Variants in TRIM2 observed in about 807,000 individuals in gnomAD.
TRIM2 encodes tripartite motif containing 2.
TRIM2 carries 20 observed loss-of-function variants against 75.2 expected under a neutral mutation model. That is an observed-to-expected ratio of 0.27 (90% CI 0.19 to 0.39). TRIM2 has a LOEUF of 0.39. Ranked by LOEUF, TRIM2 falls within the 10% of genes least tolerant of loss-of-function variation. The pLI is 1.00. For missense variants in TRIM2, 660 were observed against 990.8 expected (o/e 0.67, Z 4.48); for synonymous variants, 373 against 388.3 (o/e 0.96, Z 0.46).
chr4:153,178,575 G>C (rs1390065293), intron 1 of TRIM2, among the ~76,000 whole-genome samples: 1 of 152,146 alleles, frequency 6.6e-6, no homozygotes, highest in Non-Finnish European at 1.5e-5. Flanking sequence ...CACTATGCTA[G>C]ATAATAAACA....
At chr4:153,200,797 CT>C (rs202158649), upstream of TRIM2, among the ~76,000 whole-genome samples, 19,550 of 126,414 alleles carry the variant, frequency 0.15, 1,697 homozygotes, top group African/African-American at 0.26. Context: ...GGTTTTTTTT[CT>C]TTTTTTTTTT....
chr4:153,276,557 T>C (rs1206829002), intron 3 of TRIM2, among the ~76,000 whole-genome samples: 3 of 152,250 alleles, frequency 2.0e-5, no homozygotes, highest in African/African-American at 7.2e-5. Flanking sequence ...TATTAATAGA[T>C]AGAATTTGAA....
At chr4:153,250,076 C>T (rs1379014226) in intron 1 of TRIM2, among the ~76,000 whole-genome samples, 1 of 150,176 alleles carries the variant, frequency 6.7e-6, no homozygotes, top group Non-Finnish European at 1.5e-5. Context: ...ATTTAATAAT[C>T]AGTGCATGGC....
chr4:153,247,048 G>A (rs1021339984), intron 1 of TRIM2, among the ~76,000 whole-genome samples: 4 of 152,142 alleles, frequency 2.6e-5, no homozygotes, highest in African/African-American at 4.8e-5. Flanking sequence ...CAAAACTGAC[G>A]CTGGAAGGGG....
chr4:153,162,656 T>G (rs1194814843), intron 1 of TRIM2, among the ~76,000 whole-genome samples: 1 of 152,198 alleles, frequency 6.6e-6, no homozygotes, highest in African/African-American at 2.4e-5. Flanking sequence ...ACACATAAAA[T>G]TAGCCATTAC....
intron 1 of TRIM2, among the ~76,000 whole-genome samples, chr4:153,258,759 G>T (rs187250086): frequency 1.3e-5 from 2 of 152,170 alleles, no homozygotes; most frequent in African/African-American, 4.8e-5. Flanking sequence ...TTAAACTCCA[G>T]TTTATATGTA....
chr4:153,311,538 C>G (rs1766299550), intron 6 of TRIM2, among the ~76,000 whole-genome samples: 1 of 151,974 alleles, frequency 6.6e-6, no homozygotes, highest in African/African-American at 2.4e-5. Flanking sequence ...AGCCCCTTCT[C>G]TCCTGTTTTT....
chr4:153,264,674 T>G (rs1340010926), intron 1 of TRIM2, among the ~76,000 whole-genome samples: 1 of 152,252 alleles, frequency 6.6e-6, no homozygotes, highest in African/African-American at 2.4e-5. Flanking sequence ...AGTGTATTCC[T>G]CATGACATAT....
At chr4:153,175,324 C>G (rs1731311453) in intron 1 of TRIM2, among the ~76,000 whole-genome samples, 1 of 152,016 alleles carries the variant, frequency 6.6e-6, no homozygotes, top group Non-Finnish European at 1.5e-5. Flanking sequence ...CCGGCCCCAA[C>G]TGGTGCAGTT....
chr4:153,164,215 T>A (rs1272883579), intron 1 of TRIM2, among the ~76,000 whole-genome samples: 1 of 152,178 alleles, frequency 6.6e-6, no homozygotes, highest in Non-Finnish European at 1.5e-5. Context: ...CATAGCTCAC[T>A]GTAACCTTTA....
chr4:153,165,785 C>T (rs1414909026), intron 1 of TRIM2, among the ~76,000 whole-genome samples: 1 of 152,126 alleles, frequency 6.6e-6, no homozygotes, highest in African/African-American at 2.4e-5. Context: ...CCTCACTCTC[C>T]TTTTCCTTCC....
At chr4:153,251,617 A>G (rs1750896617) in intron 1 of TRIM2, among the ~76,000 whole-genome samples, 1 of 152,162 alleles carries the variant, frequency 6.6e-6, no homozygotes, top group Admixed American at 6.5e-5. Context: ...TACTTAGCAT[A>G]TGCATCACCT....
intron 1 of TRIM2, among the ~76,000 whole-genome samples, chr4:153,188,626 A>G (rs1732862751): frequency 6.6e-6 from 1 of 151,912 alleles, no homozygotes; most frequent in African/African-American, 2.4e-5. Flanking sequence ...TGGTTCTCTG[A>G]GCATCCTTGG....
At chr4:153,194,739 A>T (rs955948558) in intron 1 of TRIM2, among the ~76,000 whole-genome samples, 3 of 152,198 alleles carry the variant, frequency 2.0e-5, no homozygotes, top group Non-Finnish European at 1.5e-5. Flanking sequence ...AAGGTTTTTA[A>T]GTTGGGAACT....
At chr4:153,191,606 A>C (rs1367317955) in intron 1 of TRIM2, among the ~76,000 whole-genome samples, 1 of 152,244 alleles carries the variant, frequency 6.6e-6, no homozygotes, top group Admixed American at 6.5e-5. Flanking sequence ...TTTTGTTCTT[A>C]GGCACAATTC....
At chr4:153,247,793 G>A (rs1374400347) in intron 1 of TRIM2, among the ~76,000 whole-genome samples, 3 of 151,372 alleles carry the variant, frequency 2.0e-5, no homozygotes, top group Non-Finnish European at 4.4e-5. Flanking sequence ...GTGATGAAGT[G>A]TAGTGTTTTA....
Position 153,265,467 on chromosome 4 carries a change from C to A in TRIM2, c.31-4868C>A, listed in dbSNP as rs147063195. On this transcript the variant is annotated intron_variant, in intron 1 of 11. Coordinates refer to ENST00000338700, the MANE Select transcript of TRIM2 (RefSeq NM_015271.5). ...CACACCATTCTCCTGCCTCAGCCAC[C>A]GGAGTAGCTGGGGCTACAGGCGCCT... is the stretch of plus-strand genomic sequence containing the variant. Among the ~76,000 whole-genome samples, 17 of 152,020 alleles carry A rather than the reference C, an allele frequency of 1.1e-4. No homozygotes were observed. In the South Asian group the frequency reaches 3.5e-3, roughly 32 times the overall value.
intron 1 of TRIM2, among the ~76,000 whole-genome samples, chr4:153,221,850 G>A (rs1740253729): frequency 7.9e-6 from 1 of 125,972 alleles, no homozygotes; most frequent in Non-Finnish European, 1.7e-5. Context: ...GAAAGCGCGA[G>A]GAAAGAAGAG....
intron 1 of TRIM2, among the ~76,000 whole-genome samples, chr4:153,261,200 T>C (rs1383623057): frequency 6.6e-6 from 1 of 152,162 alleles, no homozygotes; most frequent in Non-Finnish European, 1.5e-5. Context: ...GGCCGGTGGA[T>C]TGCTTGAGCC....
Sources: gnomAD v4.1 joint callset for allele counts (sites outside exome capture counted in the v4.1 genomes callset) on GRCh38, gnomAD v4.1.1 for gene constraint, MANE v1.5 for transcripts, NCBI Gene and HGNC (gene_info 2026-07-23, HGNC 2026-07-21) for gene names.